Variants in ST6GALNAC3 observed in about 807,000 individuals in gnomAD.
ST6GALNAC3 encodes the protein alpha-N-acetylgalactosaminide alpha-2,6-sialyltransferase 3.
A neutral mutation model predicts 32.7 loss-of-function variants in ST6GALNAC3; 25 were observed. The observed-to-expected ratio is 0.76, with a 90% CI of 0.56 to 1.07. ST6GALNAC3 has a LOEUF of 1.07. Ranked by LOEUF, ST6GALNAC3 falls within the 50% of genes least tolerant of loss-of-function variation. The pLI is 0.00. For synonymous variants in ST6GALNAC3, 129 were observed against 133.1 expected (o/e 0.97, Z 0.21); for missense variants, 355 against 382.4 (o/e 0.93, Z 0.60).
intron 1 of ST6GALNAC3, among the ~76,000 whole-genome samples, chr1:76,291,312 C>T (rs1288440192): frequency 6.6e-6 from 1 of 152,226 alleles, no homozygotes; most frequent in East Asian, 1.9e-4. Context: ...AGGGTGCCCA[C>T]CTCCATCAGC....
intron 1 of ST6GALNAC3, among the ~76,000 whole-genome samples, chr1:76,172,908 G>A (rs1224001300): frequency 2.0e-5 from 3 of 152,100 alleles, no homozygotes; most frequent in Non-Finnish European, 4.4e-5. Context: ...TGGTCATACT[G>A]CCCAAAGTAA....
chr1:76,401,074 T>C (rs1653378424), intron 2 of ST6GALNAC3, among the ~76,000 whole-genome samples: 1 of 152,156 alleles, frequency 6.6e-6, no homozygotes, highest in African/African-American at 2.4e-5. Context: ...ATTGAGCCTT[T>C]TGAATCACTG....
chr1:76,313,580 A>G, intron 1 of ST6GALNAC3: 1 of 652,530 alleles, frequency 1.5e-6, no homozygotes, highest in Non-Finnish European at 2.8e-6. Context: ...GTGGAGATGC[A>G]ATGGAAGAGT....
intron 3 of ST6GALNAC3, among the ~76,000 whole-genome samples, chr1:76,475,104 G>A (rs546780135): frequency 2.0e-5 from 3 of 152,234 alleles, no homozygotes; most frequent in Admixed American, 6.5e-5. Flanking sequence ...CTGAGGTGGC[G>A]AGGTTTCACC....
At chr1:76,588,566 C>T (rs1290801150) in intron 3 of ST6GALNAC3, among the ~76,000 whole-genome samples, 2 of 152,334 alleles carry the variant, frequency 1.3e-5, no homozygotes, top group South Asian at 2.1e-4. Context: ...TCCTTAAATC[C>T]ATTTCCCTCC....
At chr1:76,441,802 T>C (rs1656628270) in intron 3 of ST6GALNAC3, among the ~76,000 whole-genome samples, 1 of 152,074 alleles carries the variant, frequency 6.6e-6, no homozygotes, top group African/African-American at 2.4e-5. Flanking sequence ...CACACTTACC[T>C]GTCCTGCACT....
At chr1:76,116,122 A>T (rs913722845) in intron 1 of ST6GALNAC3, among the ~76,000 whole-genome samples, 2 of 152,142 alleles carry the variant, frequency 1.3e-5, no homozygotes, top group East Asian at 3.9e-4. Context: ...TAAGTGGAAG[A>T]TAAGTTGAGG....
chr1:76,508,700 G>C (rs1170379624), intron 3 of ST6GALNAC3, among the ~76,000 whole-genome samples: 4 of 152,050 alleles, frequency 2.6e-5, no homozygotes, highest in African/African-American at 9.7e-5. Flanking sequence ...CTGGACCCCA[G>C]GTTTCTAGGT....
intron 2 of ST6GALNAC3, among the ~76,000 whole-genome samples, chr1:76,332,129 A>C (rs1223172716): frequency 6.6e-6 from 1 of 152,100 alleles, no homozygotes; most frequent in Non-Finnish European, 1.5e-5. Context: ...CCATCAACTT[A>C]GTGTTTTTAA....
chr1:76,373,018 A>T (rs980337605), intron 2 of ST6GALNAC3, among the ~76,000 whole-genome samples: 6 of 152,042 alleles, frequency 3.9e-5, no homozygotes, highest in African/African-American at 1.2e-4. Context: ...GCTGGTCTCT[A>T]AGTCCTGGGC....
chr1:76,237,130 G>A lies in ST6GALNAC3; in HGVS notation c.19-76675G>A, dbSNP rs150246980. ...TGCGGGTGTGAAATAACTTACTTGG[G>A]ATCAATGAATCATTGAAGAATTCTG... On this transcript the variant is annotated intron_variant, in intron 1 of 4. Coordinates refer to ENST00000328299, the MANE Select transcript of ST6GALNAC3 (RefSeq NM_152996.4). Among the ~76,000 whole-genome samples, 681 of 152,230 alleles carry A rather than the reference G, an allele frequency of 4.5e-3. 6 individuals are homozygous for A. Among genetic ancestry groups the A allele is most frequent in the Non-Finnish European group, 6.2e-3 (422 of 68,016 alleles).
intron 1 of ST6GALNAC3, among the ~76,000 whole-genome samples, chr1:76,184,142 C>T (rs574796152): frequency 1.6e-3 from 236 of 152,012 alleles, no homozygotes; most frequent in Non-Finnish European, 2.8e-3. Flanking sequence ...TTGATTACCC[C>T]TTATGTGAAC....
Position 76,310,004 on chromosome 1 carries a change from C to T in ST6GALNAC3, c.19-3801C>T, listed in dbSNP as rs764593481. ...CATACGTATGTGTTGCTGCACACAA[C>T]AGTGGATTCAGAAAGGCTATCCACA... On this transcript the variant is annotated intron_variant, in intron 1 of 4. Coordinates refer to ENST00000328299, the MANE Select transcript of ST6GALNAC3 (RefSeq NM_152996.4). 89 of 497,044 alleles carry T rather than the reference C, an allele frequency of 1.8e-4. No individual in the cohort carries two copies. The Admixed American group carries it at 1.8e-3, about 10-fold the overall frequency. The allele number at this position is 497,044 out of a possible 1,614,324, so 30.8% of individuals were successfully genotyped here.
intron 2 of ST6GALNAC3, among the ~76,000 whole-genome samples, chr1:76,338,888 T>TA (rs1248164007): frequency 6.6e-6 from 1 of 152,174 alleles, no homozygotes; most frequent in Non-Finnish European, 1.5e-5. Flanking sequence ...AGTATTATCT[T>TA]CCAAGATATC....
chr1:76,549,259 A>G (rs1336148813), intron 3 of ST6GALNAC3, among the ~76,000 whole-genome samples: 10 of 152,190 alleles, frequency 6.6e-5, no homozygotes, highest in Admixed American at 1.3e-4. Context: ...CTCAAATCCA[A>G]TTGATGTCCC....
At position 76,411,356 on chromosome 1, in the gene ST6GALNAC3, C is replaced by G. The variant is rs148698502; in HGVS notation, c.214-652C>G. Among the ~76,000 whole-genome samples, 347 of 152,188 alleles carry G rather than the reference C, an allele frequency of 2.3e-3. 2 individuals carry two copies. Among genetic ancestry groups the G allele is most frequent in the African/African-American group, 7.9e-3 (327 of 41,552 alleles). On this transcript the variant is annotated intron_variant, in intron 2 of 4. Transcript: ENST00000328299. ...ACTATAGAGACTGTCTGTGTATATACCTTCCCATCTAAAAGGAGGCCTTTC... is the reference window on the plus strand; with the variant it reads ...ACTATAGAGACTGTCTGTGTATATAGCTTCCCATCTAAAAGGAGGCCTTTC...
intron 1 of ST6GALNAC3, among the ~76,000 whole-genome samples, chr1:76,271,767 C>G (rs1024413341): frequency 6.6e-6 from 1 of 152,156 alleles, no homozygotes; most frequent in African/African-American, 2.4e-5. Context: ...AGCATGGAGA[C>G]CTGTCAGGAA....
chr1:76,232,154 T>C (rs537654463), intron 1 of ST6GALNAC3, among the ~76,000 whole-genome samples: 1 of 152,304 alleles, frequency 6.6e-6, no homozygotes, highest in Non-Finnish European at 1.5e-5. Flanking sequence ...TGTTCAGAAT[T>C]GTTTTACCTA....
At chr1:76,462,852 C>A (rs1222612063) in intron 3 of ST6GALNAC3, among the ~76,000 whole-genome samples, 1 of 152,142 alleles carries the variant, frequency 6.6e-6, no homozygotes, top group Non-Finnish European at 1.5e-5. Context: ...TTGCAACAAC[C>A]ACTATCCACA....
Sources: allele counts gnomAD v4.1 joint callset (sites outside exome capture counted in the v4.1 genomes callset), GRCh38; gene constraint gnomAD v4.1.1; transcripts MANE v1.5; gene names NCBI Gene and HGNC (gene_info 2026-07-23, HGNC 2026-07-21).